The following RANBP17 variants were observed in gnomAD, a reference collection of about 807,000 sequenced individuals.
RANBP17 encodes RAN binding protein 17.
In RANBP17, 158 loss-of-function variants were observed where a neutral mutation model predicts 141.2. The ratio of observed to expected loss-of-function variants is 1.12; its 90% confidence interval spans 0.98 to 1.28. The LOEUF (loss-of-function observed/expected upper bound fraction) is 1.28. RANBP17 is among the 50% of genes most tolerant of loss of function. The probability of loss-of-function intolerance (pLI) is 0.00; values close to 1 mark genes in which losing one functional copy is unlikely to be tolerated. For synonymous variants in RANBP17, 430 were observed against 450.0 expected (o/e 0.96, Z 0.56); for missense variants, 1,438 against 1,290.7 (o/e 1.11, Z -1.75).
At chr5:170,862,605 G>A (rs545713049) in intron 1 of RANBP17, among the ~76,000 whole-genome samples, 1 of 152,286 alleles carries the variant, frequency 6.6e-6, no homozygotes, top group East Asian at 1.9e-4. Flanking sequence ...GCTGCGTCTG[G>A]GGGGAGTTGC....
intron 21 of RANBP17, among the ~76,000 whole-genome samples, chr5:171,219,598 C>CT (rs1263039137): frequency 1.3e-5 from 2 of 151,858 alleles, no homozygotes; most frequent in Non-Finnish European, 2.9e-5. Context: ...CCTTTTCATT[C>CT]TTTTTTCTCC....
At position 170,922,120 on chromosome 5, in the gene RANBP17, C is replaced by T. The variant is rs1441300906; in HGVS notation, c.1275-2237C>T. On this transcript the variant is annotated intron_variant, in intron 11 of 27. Coordinates refer to ENST00000523189, the MANE Select transcript of RANBP17 (RefSeq NM_022897.5). ...GGTCTGTTGGAGTTTGCCGGAGGTC[C>T]ACTCCAGACCCTGTTTGTCTTGGTA... Among the ~76,000 whole-genome samples the T allele has an allele frequency of 3.3e-5, 5 of 152,226 alleles. No individual in the cohort carries two copies. The East Asian group carries it at 7.8e-4, about 24-fold the overall frequency.
intron 14 of RANBP17, among the ~76,000 whole-genome samples, chr5:170,969,963 A>G (rs34391186): frequency 0.012 from 1,760 of 152,070 alleles, 15 homozygotes; most frequent in Non-Finnish European, 0.016. Flanking sequence ...GAGTGAAACT[A>G]AATCTTCCTA....
At chr5:171,257,874 G>C (rs901664232) in intron 24 of RANBP17, among the ~76,000 whole-genome samples, 2 of 152,070 alleles carry the variant, frequency 1.3e-5, no homozygotes, top group African/African-American at 4.8e-5. Flanking sequence ...GGGAGGCTGA[G>C]GTGGGCGGAT....
At chr5:171,032,737 A>C (rs1342699813) in intron 14 of RANBP17, among the ~76,000 whole-genome samples, 3 of 152,124 alleles carry the variant, frequency 2.0e-5, no homozygotes, top group Admixed American at 6.6e-5. Flanking sequence ...ACAGCCCATC[A>C]TACATCATTA....
At chr5:171,143,749 A>G (rs1297728638) in intron 14 of RANBP17, among the ~76,000 whole-genome samples, 1 of 152,268 alleles carries the variant, frequency 6.6e-6, no homozygotes, top group Non-Finnish European at 1.5e-5. Flanking sequence ...GACAATGGAA[A>G]TGTATGAAGT....
At chr5:171,012,925 G>A (rs575975780) in intron 14 of RANBP17, among the ~76,000 whole-genome samples, 2 of 152,162 alleles carry the variant, frequency 1.3e-5, no homozygotes, top group Admixed American at 1.3e-4. Flanking sequence ...TTCTCCTGTC[G>A]TGTTAAGATA....
intron 6 of RANBP17, chr5:170,910,224 C>T (rs533396972): frequency 2.6e-4 from 41 of 156,480 alleles, no homozygotes; most frequent in Non-Finnish European, 4.9e-4. Flanking sequence ...TACTTAGTGC[C>T]CTATTGAATA....
intron 14 of RANBP17, among the ~76,000 whole-genome samples, chr5:171,058,498 T>G (rs1783567080): frequency 6.6e-6 from 1 of 151,974 alleles, no homozygotes; most frequent in Non-Finnish European, 1.5e-5. Flanking sequence ...AACTCATCAT[T>G]TTTTATGGCT....
chr5:171,241,583 C>G (rs1420120389), intron 23 of RANBP17, among the ~76,000 whole-genome samples: 2 of 152,112 alleles, frequency 1.3e-5, no homozygotes, highest in African/African-American at 4.8e-5. Flanking sequence ...GAGAGGACTT[C>G]CTTGTAGTAG....
chr5:170,909,778 A>T lies in RANBP17; in HGVS notation c.594+13A>T. On this transcript the variant is annotated intron_variant, in intron 6 of 27. Transcript: ENST00000523189. ...TCTTTTAAAAGAGGTAAGTTATTTG[A>T]TAATTCAACTTCCTAGTTAGAATAT... The T allele has an allele frequency of 8.1e-7, 1 of 1,227,132 alleles. No homozygotes were observed. The highest frequency in any genetic ancestry group is 1.3e-5 in the South Asian group (1 of 79,558). The allele number at this position is 1,227,132 out of a possible 1,614,324, so 76.0% of individuals were successfully genotyped here. A position where few individuals can be genotyped will look rare whatever the true frequency, so the allele number is the denominator to read the frequency against.
At chr5:170,899,814 A>T (rs929542280) in intron 5 of RANBP17, among the ~76,000 whole-genome samples, 2 of 152,188 alleles carry the variant, frequency 1.3e-5, no homozygotes, top group Admixed American at 1.3e-4. Context: ...GTGATGGATT[A>T]TGTTTATTGA....
intron 14 of RANBP17, among the ~76,000 whole-genome samples, chr5:171,019,547 G>A (rs141995834): frequency 0.026 from 3,974 of 152,224 alleles, 154 homozygotes; most frequent in African/African-American, 0.089. Flanking sequence ...TATTTGCATA[G>A]CGGTGTTTAT....
chr5:170,937,862 A>C (rs370286937), intron 12 of RANBP17, among the ~76,000 whole-genome samples: 8 of 152,246 alleles, frequency 5.3e-5, no homozygotes, highest in African/African-American at 1.9e-4. Flanking sequence ...TATATAGCAC[A>C]GACAATTAGT....
intron 25 of RANBP17, among the ~76,000 whole-genome samples, chr5:171,281,572 C>T (rs1009216982): frequency 3.3e-5 from 5 of 152,234 alleles, no homozygotes; most frequent in South Asian, 2.1e-4. Context: ...GATCCAATTC[C>T]GTACCAATGG....
chr5:171,221,436 A>C (rs1348165730), intron 21 of RANBP17, among the ~76,000 whole-genome samples: 1 of 152,210 alleles, frequency 6.6e-6, no homozygotes, highest in Non-Finnish European at 1.5e-5. Flanking sequence ...GGGGTGTTTT[A>C]TTATTATCCA....
At chr5:171,276,773 A>C (rs1767511910) in intron 25 of RANBP17, among the ~76,000 whole-genome samples, 1 of 152,188 alleles carries the variant, frequency 6.6e-6, no homozygotes, top group African/African-American at 2.4e-5. Context: ...GGGTTAGCCC[A>C]ATAATAATTA....
At chr5:171,057,460 C>A (rs181061045) in intron 14 of RANBP17, among the ~76,000 whole-genome samples, 1 of 152,128 alleles carries the variant, frequency 6.6e-6, no homozygotes, top group East Asian at 1.9e-4. Context: ...GGAAATCATT[C>A]CATTTCAATA....
intron 14 of RANBP17, among the ~76,000 whole-genome samples, chr5:170,989,237 A>C (rs1030667162): frequency 6.6e-6 from 1 of 151,774 alleles, no homozygotes; most frequent in Admixed American, 6.6e-5. Flanking sequence ...GATATAATCT[A>C]TCCTACTTGT....
Sources: gnomAD v4.1 joint callset for allele counts (sites outside exome capture counted in the v4.1 genomes callset) on GRCh38, gnomAD v4.1.1 for gene constraint, MANE v1.5 for transcripts, NCBI Gene and HGNC (gene_info 2026-07-23, HGNC 2026-07-21) for gene names.